Variants in MALRD1 observed in about 807,000 individuals in gnomAD.
The protein encoded by MALRD1 is MAM and LDL receptor class A domain containing 1.
In MALRD1, 247 loss-of-function variants were observed where a neutral mutation model predicts 242.1. That is an observed-to-expected ratio of 1.02 (90% confidence interval 0.92 to 1.13). The LOEUF (loss-of-function observed/expected upper bound fraction) is 1.13. Among genes scored for constraint, MALRD1 ranks in the 50% most tolerant of loss-of-function variants. MALRD1 has a pLI of 0.00. For missense variants in MALRD1, 2,989 were observed against 2,533.1 expected, an observed-to-expected ratio of 1.18 and a Z score of -3.86; for synonymous variants, 995 against 866.6, an observed-to-expected ratio of 1.15 and a Z score of -2.60.
At chr10:19,483,213 A>T (rs1263437902) in intron 29 of MALRD1, among the ~76,000 whole-genome samples, 1 of 152,060 alleles carries the variant, frequency 6.6e-6, no homozygotes. Context: ...CTAGAAAAAA[A>T]AAAAACCTAG....
intron 36 of MALRD1, among the ~76,000 whole-genome samples, chr10:19,636,968 A>AT (rs1366837162): frequency 6.6e-6 from 1 of 152,040 alleles, no homozygotes. Flanking sequence ...TTGTCAATAA[A>AT]TTTTAAAACT....
intron 14 of MALRD1, among the ~76,000 whole-genome samples, chr10:19,193,434 T>A (rs1030296383): frequency 6.6e-6 from 1 of 152,112 alleles, no homozygotes; most frequent in Non-Finnish European, 1.5e-5. Flanking sequence ...CACATGCCTG[T>A]AGTCCCAGCT....
At chr10:19,350,326 A>G (rs1844321136) in intron 25 of MALRD1, among the ~76,000 whole-genome samples, 1 of 138,500 alleles carries the variant, frequency 7.2e-6, no homozygotes, top group Admixed American at 8.0e-5. Flanking sequence ...GCTGGAGTGC[A>G]GTAGTGTGAT....
intron 38 of MALRD1, chr10:19,711,348 G>A (rs1049858034): frequency 1.3e-5 from 2 of 152,036 alleles, no homozygotes; most frequent in Non-Finnish European, 2.9e-5. Flanking sequence ...TATATTTTTT[G>A]ACAAACATCT....
chr10:19,633,232 A>G (rs1461971624), intron 36 of MALRD1, among the ~76,000 whole-genome samples: 1 of 152,150 alleles, frequency 6.6e-6, no homozygotes, highest in Non-Finnish European at 1.5e-5. Context: ...TTCTGTCTCA[A>G]AGAAAAAAAA....
intron 19 of MALRD1, among the ~76,000 whole-genome samples, chr10:19,275,171 A>T (rs1295256763): frequency 1.3e-5 from 2 of 152,190 alleles, no homozygotes; most frequent in African/African-American, 4.8e-5. Context: ...TGGTGGAGTC[A>T]TGTATCTATT....
At chr10:19,609,393 C>T (rs1185571349) in intron 35 of MALRD1, among the ~76,000 whole-genome samples, 1 of 151,984 alleles carries the variant, frequency 6.6e-6, no homozygotes, top group Non-Finnish European at 1.5e-5. Flanking sequence ...TATATTAAAG[C>T]CAAGCTTCTG....
At chr10:19,061,756 C>A (rs531616822) in intron 1 of MALRD1, among the ~76,000 whole-genome samples, 8 of 152,012 alleles carry the variant, frequency 5.3e-5, no homozygotes, top group Non-Finnish European at 1.2e-4. Flanking sequence ...GGAGTTGGAC[C>A]CTTACCTTAT....
At chr10:19,319,205 T>C (rs1842822528) in intron 21 of MALRD1, among the ~76,000 whole-genome samples, 1 of 152,134 alleles carries the variant, frequency 6.6e-6, no homozygotes, top group East Asian at 1.9e-4. Flanking sequence ...TTTTATATAC[T>C]GTTGAAAACA....
intron 36 of MALRD1, among the ~76,000 whole-genome samples, chr10:19,691,074 G>C (rs886110230): frequency 2.0e-5 from 3 of 152,026 alleles, no homozygotes; most frequent in African/African-American, 7.2e-5. Flanking sequence ...GTGTGTGCAC[G>C]TGTGAAAGAT....
chr10:19,102,079 TG>T (rs977566890), intron 4 of MALRD1, among the ~76,000 whole-genome samples: 2 of 137,282 alleles, frequency 1.5e-5, no homozygotes, highest in African/African-American at 2.7e-5. Context: ...AACATATATA[TG>T]GTATAACATA....
intron 19 of MALRD1, among the ~76,000 whole-genome samples, chr10:19,262,655 C>CA (rs34247984): frequency 0.025 from 2,458 of 97,360 alleles, 31 homozygotes; most frequent in East Asian, 0.093. Flanking sequence ...GAGTCTGTCT[C>CA]AAAAAAAAAA....
chr10:19,489,975 T>C (rs921923117), intron 29 of MALRD1, among the ~76,000 whole-genome samples: 1 of 152,152 alleles, frequency 6.6e-6, no homozygotes, highest in African/African-American at 2.4e-5. Flanking sequence ...TGCTATTCAG[T>C]TGTGAATTGG....
chr10:19,660,428 G>A (rs1208862080), intron 36 of MALRD1, among the ~76,000 whole-genome samples: 1 of 152,132 alleles, frequency 6.6e-6, no homozygotes, highest in Admixed American at 6.6e-5. Context: ...CTGGACCTTA[G>A]AGGGTGAGAG....
intron 26 of MALRD1, among the ~76,000 whole-genome samples, chr10:19,369,004 C>T (rs1195207971): frequency 2.0e-5 from 3 of 147,776 alleles, no homozygotes; most frequent in Non-Finnish European, 4.5e-5. Flanking sequence ...TAACAGATAT[C>T]TGTAACTCAA....
intron 18 of MALRD1, among the ~76,000 whole-genome samples, chr10:19,249,282 C>T (rs963742609): frequency 4.0e-5 from 6 of 151,580 alleles, no homozygotes; most frequent in Admixed American, 6.6e-5. Context: ...AGGTAGAAAT[C>T]GAATTGGAAT....
chr10:19,211,838 T>C (rs907806246), intron 18 of MALRD1, among the ~76,000 whole-genome samples: 1 of 152,062 alleles, frequency 6.6e-6, no homozygotes, highest in African/African-American at 2.4e-5. Flanking sequence ...GCATTTTAAT[T>C]AACTGTGATA....
chr10:19,124,342 T>G (rs2131381078), intron 6 of MALRD1, among the ~76,000 whole-genome samples, 182 bp from the exon 7 acceptor site: 1 of 152,290 alleles, frequency 6.6e-6, no homozygotes, highest in South Asian at 2.1e-4. Flanking sequence ...CTGAGAAATT[T>G]TTGCAAAATG....
intron 26 of MALRD1, among the ~76,000 whole-genome samples, chr10:19,379,545 A>G (rs1291419308): frequency 2.0e-5 from 3 of 152,142 alleles, no homozygotes; most frequent in Non-Finnish European, 2.9e-5. Context: ...CTTTGACTCA[A>G]TGGTTACTTA....
Sources: allele counts gnomAD v4.1 joint callset (sites outside exome capture counted in the v4.1 genomes callset), GRCh38; gene constraint gnomAD v4.1.1; transcripts MANE v1.5; gene names NCBI Gene and HGNC (gene_info 2026-07-23, HGNC 2026-07-21).